YY1AP1: variants seen among roughly 807,000 people sequenced by gnomAD.
The protein encoded by YY1AP1 is YY1-associated protein 1.
YY1AP1 carries 43 observed loss-of-function variants against 39.9 expected under a neutral mutation model. That is an observed-to-expected ratio of 1.08 (90% CI 0.84 to 1.39). The LOEUF (loss-of-function observed/expected upper bound fraction) is 1.39, where lower values mean the gene tolerates loss of function less well. Ranked by LOEUF, YY1AP1 falls within the 40% of genes most tolerant of loss-of-function variation. YY1AP1 has a pLI of 0.00. For synonymous variants in YY1AP1, 292 were observed against 331.3 expected (o/e 0.88, Z 1.29); for missense variants, 813 against 900.7 (o/e 0.90, Z 1.25).
intron 2 of YY1AP1, among the ~76,000 whole-genome samples, chr1:155,680,967 A>G (rs1254328107): frequency 6.6e-6 from 1 of 152,028 alleles, no homozygotes; most frequent in Admixed American, 6.5e-5. Flanking sequence ...AGAGAGAGAG[A>G]GTTCTAATCT....
In YY1AP1 at chr1:155,660,709, T is replaced by G; in HGVS notation, c.1201A>C (p.Lys401Gln). The G allele has an allele frequency of 6.2e-7, 1 of 1,614,202 alleles. No individual in the cohort carries two copies. The highest frequency in any genetic ancestry group is 8.5e-7 in the Non-Finnish European group (1 of 1,180,036). The change falls in exon 11 of 11, where the codon AAG becomes CAG. Residue 401 changes from lysine to glutamine, a missense_variant. Lys to Gln is a moderately conservative substitution (Grantham distance 53). Around this residue, in one of 3 missense-constraint regions of YY1AP1, gnomAD observed 586 missense variants for 647.4 expected, o/e 0.91. Transcript: ENST00000355499. ...GAACGCTTCTGTCTCCAAGCCTTCT[T>G]GGGGAAACGGTCGGCAACTGGCTTC... ...KLKPVADRFP[K>Q]KAWRQKRSSV...
chr1:155,659,726 A>G lies in YY1AP1; in HGVS notation c.2184T>C (p.Pro728=), dbSNP rs200664513. 5.1e-5 allele frequency: 82 copies of G among 1,614,080 alleles called. No individual in the cohort carries two copies. The highest frequency in any genetic ancestry group is 6.2e-5 in the Non-Finnish European group (73 of 1,180,038). ...TCTTGACAACTTCCTCTAAATCCCCAGGGGAAGAGTTGTTTAGAGACTCCT... is the reference window on the plus strand; with the variant it reads ...TCTTGACAACTTCCTCTAAATCCCCGGGGGAAGAGTTGTTTAGAGACTCCT... ...GIQESLNNSS[P]GDLEEVVKME... Residue 728 remains proline (P), a synonymous_variant, in exon 11 of 11, where the codon CCT becomes CCC. Transcript: ENST00000355499.
intron 7 of YY1AP1, among the ~76,000 whole-genome samples, chr1:155,671,422 C>T (rs903620611): frequency 6.6e-6 from 1 of 150,698 alleles, no homozygotes; most frequent in East Asian, 1.9e-4. Context: ...CAGAGCGAGA[C>T]TCCATCTTAA....
At chr1:155,683,389 C>T (rs1651788744) in intron 2 of YY1AP1, among the ~76,000 whole-genome samples, 1 of 152,128 alleles carries the variant, frequency 6.6e-6, no homozygotes, top group Admixed American at 6.5e-5. Context: ...TGGCTCACAC[C>T]TGTAATCCCA....
At chr1:155,671,891 T>C (rs1218785650) in intron 7 of YY1AP1, among the ~76,000 whole-genome samples, 1 of 152,218 alleles carries the variant, frequency 6.6e-6, no homozygotes, top group Non-Finnish European at 1.5e-5. Flanking sequence ...GGATTTAAAA[T>C]AGAATCCAAA....
At chr1:155,661,529 AC>A in intron 9 of YY1AP1, 106 bp from the exon 10 acceptor site, 4 of 1,567,848 alleles carry the variant, frequency 2.6e-6, no homozygotes, top group Non-Finnish European at 2.6e-6. Flanking sequence ...ACACACACAC[AC>A]ACACACACAC....
chr1:155,666,053 A>G (rs147461194), intron 9 of YY1AP1, among the ~76,000 whole-genome samples: 1 of 152,272 alleles, frequency 6.6e-6, no homozygotes, highest in East Asian at 1.9e-4. Context: ...TGGGAAACAA[A>G]ATGTTCAGCA....
chr1:155,669,956 T>C (rs750227078), intron 8 of YY1AP1, among the ~76,000 whole-genome samples: 6 of 152,076 alleles, frequency 3.9e-5, no homozygotes, highest in Non-Finnish European at 8.8e-5. Flanking sequence ...TCCCAGGAGT[T>C]CAAGGCTGCA....
At chr1:155,679,388 C>T (rs1260994558) in intron 4 of YY1AP1, 21 bp downstream of exon 4, 1 of 1,614,004 alleles carries the variant, frequency 6.2e-7, no homozygotes, top group East Asian at 2.2e-5. Flanking sequence ...TTCCAAATCT[C>T]AAGGTCTTCA....
At chr1:155,688,424 G>A (rs1272057661) in intron 1 of YY1AP1, 1 of 1,546,194 alleles carries the variant, frequency 6.5e-7, no homozygotes, top group African/African-American at 1.4e-5. Context: ...CCCTCCTCGC[G>A]TTCTTCCCCA....
intron 5 of YY1AP1, 38 bp from the exon 6 acceptor site, chr1:155,675,134 G>A (rs777016584): frequency 6.4e-7 from 1 of 1,556,830 alleles, no homozygotes; most frequent in East Asian, 2.3e-5. Flanking sequence ...GATATGTTAT[G>A]ACACTGCCAT....
chr1:155,683,086 CA>C (rs1013979922), intron 2 of YY1AP1, among the ~76,000 whole-genome samples: 3 of 137,542 alleles, frequency 2.2e-5, no homozygotes, highest in African/African-American at 2.7e-5. Context: ...AACTCCATCT[CA>C]AAAAAAAAAC....
intron 9 of YY1AP1, 61 bp from the exon 10 acceptor site, chr1:155,661,484 G>T: frequency 6.2e-7 from 1 of 1,609,120 alleles, no homozygotes; most frequent in East Asian, 2.2e-5. Context: ...CTTCTGTCAG[G>T]CTGGTGAATG....
chr1:155,688,038 G>A (rs1347196258), intron 2 of YY1AP1, 33 bp downstream of exon 2: 1 of 1,547,230 alleles, frequency 6.5e-7, no homozygotes, highest in East Asian at 2.3e-5. Flanking sequence ...AGAGTGCTTA[G>A]GCCCGAATGC....
At chr1:155,684,118 C>T (rs1304825586) in intron 2 of YY1AP1, among the ~76,000 whole-genome samples, 4 of 152,174 alleles carry the variant, frequency 2.6e-5, no homozygotes, top group Non-Finnish European at 4.4e-5. Flanking sequence ...CGTGTTGGCA[C>T]GCGCCTGTAA....
intron 4 of YY1AP1, 131 bp downstream of exon 4, chr1:155,679,278 A>G (rs1651169671): frequency 6.5e-7 from 1 of 1,545,420 alleles, no homozygotes; most frequent in Non-Finnish European, 8.8e-7. Context: ...AACTCCTGAC[A>G]GGACTCTGCA....
chr1:155,662,525 G>T (rs1319681920), intron 9 of YY1AP1, among the ~76,000 whole-genome samples: 2 of 127,578 alleles, frequency 1.6e-5, no homozygotes, highest in African/African-American at 7.4e-5. Context: ...AAGAAGATAA[G>T]AACTGAACTT....
intron 1 of YY1AP1, chr1:155,688,414 C>CCCT: frequency 6.5e-7 from 1 of 1,545,428 alleles, no homozygotes. Flanking sequence ...TCCCACTCCT[C>CCCT]CCTCCTCGCG....
intron 9 of YY1AP1, among the ~76,000 whole-genome samples, chr1:155,661,720 A>T (rs573834588): frequency 1.3e-5 from 2 of 152,264 alleles, no homozygotes; most frequent in African/African-American, 4.8e-5. Context: ...CAATGGCGCG[A>T]TCTCCGCTCA....
Sources: allele counts gnomAD v4.1 joint callset (sites outside exome capture counted in the v4.1 genomes callset), GRCh38; gene constraint gnomAD v4.1.1; regional missense constraint gnomAD v4.1.1; transcripts MANE v1.5; gene names NCBI Gene and HGNC (gene_info 2026-07-23, HGNC 2026-07-21).